The following CNTN1 variants were observed in gnomAD, a reference collection of about 807,000 sequenced individuals.
CNTN1 encodes contactin 1.
CNTN1 carries 38 observed loss-of-function variants against 126.4 expected under a neutral mutation model. The ratio of observed to expected loss-of-function variants is 0.30; its 90% CI spans 0.23 to 0.39. The LOEUF is 0.39. Ranked by LOEUF, CNTN1 falls within the 10% of genes least tolerant of loss-of-function variation. CNTN1 has a pLI of 1.00. For synonymous variants in CNTN1, 413 were observed against 422.6 expected (o/e 0.98, Z 0.28); for missense variants, 1,009 against 1,248.4 (o/e 0.81, Z 2.89).
chr12:40,840,304 A>G (rs1391378505), intron 1 of CNTN1, among the ~76,000 whole-genome samples: 11 of 152,078 alleles, frequency 7.2e-5, no homozygotes, highest in African/African-American at 1.9e-4. Context: ...TAACAATTCT[A>G]TATATACATG....
chr12:40,713,109 G>T (rs574718475), intron 1 of CNTN1, among the ~76,000 whole-genome samples: 4 of 152,186 alleles, frequency 2.6e-5, no homozygotes, highest in Admixed American at 6.5e-5. Context: ...AACACCACTA[G>T]CTTCTGCTCC....
chr12:40,773,676 CAT>C (rs1320206131), intron 1 of CNTN1, among the ~76,000 whole-genome samples: 14 of 11,482 alleles, frequency 1.2e-3, no homozygotes, highest in African/African-American at 2.1e-3. Context: ...TATATATACA[CAT>C]ATATATATAT....
At chr12:40,722,877 G>C (rs898912601) in intron 1 of CNTN1, among the ~76,000 whole-genome samples, 22 of 152,060 alleles carry the variant, frequency 1.4e-4, no homozygotes, top group African/African-American at 4.8e-4. Flanking sequence ...ATTTTCATGA[G>C]AGCCCTCCAA....
At chr12:40,757,129 A>C (rs1263284025) in intron 1 of CNTN1, among the ~76,000 whole-genome samples, 1 of 152,104 alleles carries the variant, frequency 6.6e-6, no homozygotes, top group East Asian at 1.9e-4. Context: ...CATATGGCAA[A>C]GAAAGAGTGA....
chr12:40,775,830 T>C (rs1396848579), intron 1 of CNTN1, among the ~76,000 whole-genome samples: 1 of 151,492 alleles, frequency 6.6e-6, no homozygotes, highest in Non-Finnish European at 1.5e-5. Context: ...CATTGCGGGG[T>C]AACATTGCCA....
At chr12:40,996,611 T>C (rs11179364) in intron 17 of CNTN1, among the ~76,000 whole-genome samples, 15,605 of 152,246 alleles carry the variant, frequency 0.1, 908 homozygotes, top group Non-Finnish European at 0.13. Context: ...GAAAATATGG[T>C]CTCCTGTCTA....
rs574860448 is a variant in CNTN1, at chr12:40,933,366, T to C, written c.704-95T>C. The C allele has an allele frequency of 4.3e-5, 38 of 890,708 alleles. No homozygotes were observed. In the African/African-American group the frequency reaches 5.3e-4, roughly 12 times the overall value. The allele number at this position is 890,708 out of a possible 1,614,324, so 55.2% of individuals were successfully genotyped here. ...ACCTGTACAGAGAAAAGCTTCCATG[T>C]TGGAGCAGCTCTAATCCTGTAGAAT... On this transcript the variant is annotated intron_variant, in intron 7 of 23. Transcript: ENST00000551295.
At chr12:40,983,381 T>C (rs573179703) in intron 16 of CNTN1, among the ~76,000 whole-genome samples, 11 of 152,232 alleles carry the variant, frequency 7.2e-5, no homozygotes, top group African/African-American at 2.6e-4. Flanking sequence ...TTACTATTTT[T>C]GTTCCTCTTT....
chr12:40,738,260 C>T (rs1034982636), intron 1 of CNTN1, among the ~76,000 whole-genome samples: 1 of 151,860 alleles, frequency 6.6e-6, no homozygotes, highest in Non-Finnish European at 1.5e-5. Context: ...TATGGATACA[C>T]CAACTAGTGC....
intron 23 of CNTN1, among the ~76,000 whole-genome samples, chr12:41,045,644 G>A (rs280374): frequency 0.63 from 96,014 of 151,920 alleles, 31,810 homozygotes; most frequent in African/African-American, 0.84. Context: ...TTATGAAGGA[G>A]CATTTAGGTC....
chr12:41,018,333 A>G (rs1018276005), intron 19 of CNTN1, among the ~76,000 whole-genome samples: 1 of 151,992 alleles, frequency 6.6e-6, no homozygotes, highest in South Asian at 2.1e-4. Context: ...GGTTCACCCA[A>G]CTTCCATTGT....
intron 23 of CNTN1, among the ~76,000 whole-genome samples, chr12:41,059,212 T>TA (rs1446852135): frequency 6.6e-6 from 1 of 151,690 alleles, no homozygotes; most frequent in Non-Finnish European, 1.5e-5. Flanking sequence ...CCGATCTTAA[T>TA]ACCAAATACC....
Position 40,939,431 on chromosome 12 carries a change from C to T in CNTN1, c.1325C>T (p.Pro442Leu), listed in dbSNP as rs772899647. ...ATTGAATGCAAACCTAAAGCTGCAC[C>T]GAAACCAAAGTTTTCATGGAGTAAA... Reference protein sequence around the residue: ...VIIECKPKAAPKPKFSWSKGT... With the variant: ...VIIECKPKAALKPKFSWSKGT... Residue 442 changes from proline (P) to leucine (L), a missense_variant, in exon 12 of 24, where the codon CCG (proline) becomes CTG (leucine). Physicochemically the swap from Pro to Leu is moderately conservative, Grantham distance 98. Transcript: ENST00000551295. The T allele has an allele frequency of 3.1e-6, 5 of 1,613,774 alleles. No homozygotes were observed. Among genetic ancestry groups the T allele is most frequent in the East Asian group, 2.2e-5 (1 of 44,822 alleles).
intron 1 of CNTN1, among the ~76,000 whole-genome samples, chr12:40,840,233 A>C (rs377621709): frequency 7.2e-5 from 11 of 152,178 alleles, no homozygotes; most frequent in East Asian, 3.9e-4. Context: ...AGTGAAAAGC[A>C]GTTTAAAAAA....
At chr12:40,940,402 GT>G (rs1946226977) in intron 12 of CNTN1, among the ~76,000 whole-genome samples, 1 of 152,102 alleles carries the variant, frequency 6.6e-6, no homozygotes, top group South Asian at 2.1e-4. Context: ...TCATCTAAGA[GT>G]AATATAAATC....
chr12:40,952,703 C>T (rs1416223288), intron 14 of CNTN1, among the ~76,000 whole-genome samples: 4 of 152,070 alleles, frequency 2.6e-5, no homozygotes, highest in South Asian at 4.2e-4. Context: ...CCTAGTTAAC[C>T]CTAATTAAAT....
At chr12:40,810,073 A>G (rs527273665) in intron 1 of CNTN1, among the ~76,000 whole-genome samples, 1 of 152,126 alleles carries the variant, frequency 6.6e-6, no homozygotes, top group African/African-American at 2.4e-5. Context: ...AAATATATGC[A>G]AAAGTTTTTA....
intron 1 of CNTN1, among the ~76,000 whole-genome samples, chr12:40,784,777 A>G (rs1032087627): frequency 6.6e-6 from 1 of 152,164 alleles, no homozygotes; most frequent in African/African-American, 2.4e-5. Context: ...TATACATCAA[A>G]GAAATGTACT....
intron 18 of CNTN1, among the ~76,000 whole-genome samples, chr12:41,015,266 A>C (rs1215664616): frequency 2.6e-5 from 4 of 152,194 alleles, no homozygotes; most frequent in Non-Finnish European, 1.5e-5. Context: ...ATGTCCAAAA[A>C]TGCAAATATT....
Sources: gnomAD v4.1 joint callset for allele counts (sites outside exome capture counted in the v4.1 genomes callset) on GRCh38, gnomAD v4.1.1 for gene constraint, MANE v1.5 for transcripts, NCBI Gene and HGNC (gene_info 2026-07-23, HGNC 2026-07-21) for gene names.